LAMC3: variants seen among roughly 807,000 people sequenced by gnomAD.
LAMC3 encodes the protein laminin subunit gamma 3, also known as laminin subunit gamma-3.
A neutral mutation model predicts 173.8 loss-of-function variants in LAMC3; 128 were observed. The observed-to-expected ratio is 0.74, with a 90% CI of 0.64 to 0.85. The LOEUF (loss-of-function observed/expected upper bound fraction) is 0.85, where lower values mean the gene tolerates loss of function less well. LAMC3 is among the 40% of genes least tolerant of loss of function. The pLI is 0.00. For missense variants in LAMC3, 2,022 were observed against 2,156.0 expected (o/e 0.94, Z 1.23); for synonymous variants, 897 against 909.1 (o/e 0.99, Z 0.24).
In LAMC3 at chr9:131,092,426, T is replaced by C. The variant is rs372167427; in HGVS notation, c.*639T>C. The C allele has an allele frequency of 1.9e-3, 298 of 153,784 alleles. 1 individual carries two copies. Among genetic ancestry groups the C allele is most frequent in the Non-Finnish European group, 3.4e-3 (232 of 69,044 alleles). 9.5% of individuals were successfully genotyped at this position (153,784 alleles called of 1,614,324 possible). On this transcript the variant is annotated 3_prime_UTR_variant, in exon 28 of 28. Coordinates refer to ENST00000361069, the MANE Select transcript of LAMC3 (RefSeq NM_006059.4). ...GACCAACAGGCCAAGAAATGCAAGATCCCGGGAGGGTTCTTAGCAGCAGAA... is the reference window on the plus strand; with the variant it reads ...GACCAACAGGCCAAGAAATGCAAGACCCCGGGAGGGTTCTTAGCAGCAGAA...
At chr9:131,069,460 C>T (rs1358879871) in intron 16 of LAMC3, among the ~76,000 whole-genome samples, 5 of 152,156 alleles carry the variant, frequency 3.3e-5, no homozygotes, top group East Asian at 1.9e-4. Flanking sequence ...CCTCAGATCC[C>T]GAGGGAACAT....
In LAMC3 at chr9:131,068,214, T is replaced by C; in HGVS notation, c.2730T>C (p.Pro910=). ...ACCCTGGCTTCTTCGACCTCCAGCCTGGGAGGGGCTGCCGGAGGTAGGTAG... is the reference window on the plus strand; with the variant it reads ...ACCCTGGCTTCTTCGACCTCCAGCCCGGGAGGGGCTGCCGGAGGTAGGTAG... The part of the protein sequence containing the change: ...RCYPGFFDLQ[P]GRGCRSCKCH... The change falls in exon 15 of 28, where the codon CCT becomes CCC. Residue 910 remains proline, a synonymous_variant. Transcript: ENST00000361069. 2 of 1,610,684 alleles carry C rather than the reference T, an allele frequency of 1.2e-6. No individual in the cohort carries two copies. The highest frequency in any genetic ancestry group is 1.7e-6 in the Non-Finnish European group (2 of 1,178,320).
chr9:131,078,539 C>A (rs1830175033), intron 22 of LAMC3, among the ~76,000 whole-genome samples: 1 of 152,166 alleles, frequency 6.6e-6, no homozygotes, highest in Non-Finnish European at 1.5e-5. Context: ...GCATTTGGGA[C>A]AAGTGCTAAC....
intron 6 of LAMC3, 54 bp from the exon 7 acceptor site, chr9:131,041,583 G>A: frequency 6.6e-7 from 1 of 1,504,884 alleles, no homozygotes; most frequent in Non-Finnish European, 9.2e-7. Flanking sequence ...ATGGGCTGTT[G>A]CCATTCTGAA....
At chr9:131,056,113 T>C (rs188156588) in intron 11 of LAMC3, among the ~76,000 whole-genome samples, 60 of 152,260 alleles carry the variant, frequency 3.9e-4, no homozygotes, top group Non-Finnish European at 2.8e-4. Context: ...GGAGGATCAT[T>C]TGAGGCCAGG....
chr9:131,057,289 C>T lies in LAMC3; in HGVS notation c.2158+142C>T, dbSNP rs3739511. 0.18 allele frequency: 134,380 copies of T among 734,208 alleles called. 13,787 individuals are homozygous for T. Among genetic ancestry groups the T allele is most frequent in the Admixed American group, 0.24 (11,954 of 50,126 alleles). The allele number at this position is 734,208 out of a possible 1,614,324, so 45.5% of individuals were successfully genotyped here. A position where few individuals can be genotyped will look rare whatever the true frequency, so the allele number is the denominator to read the frequency against. On this transcript the variant is annotated intron_variant, in intron 12 of 27. Coordinates refer to ENST00000361069, the MANE Select transcript of LAMC3 (RefSeq NM_006059.4). ...GGGCAGTGCGGGCACTGAGCTTTCCCGTGCTGCTCAGTGCCTGGGCACCTC... is the reference window on the plus strand; with the variant it reads ...GGGCAGTGCGGGCACTGAGCTTTCCTGTGCTGCTCAGTGCCTGGGCACCTC...
chr9:131,073,153 C>A, intron 19 of LAMC3, 92 bp from the exon 20 acceptor site: 1 of 967,286 alleles, frequency 1.0e-6, no homozygotes, highest in Non-Finnish European at 1.7e-6. Context: ...ACGACGGGTG[C>A]CATCCAGTTC....
Position 131,065,190 on chromosome 9 carries a change from G to A in LAMC3, c.2348-1770G>A, listed in dbSNP as rs143670224. Among the ~76,000 whole-genome samples, 477 of 152,268 alleles carry A rather than the reference G, an allele frequency of 3.1e-3. 2 individuals are homozygous for A. Among genetic ancestry groups the A allele is most frequent in the African/African-American group, 0.011 (455 of 41,540 alleles). ...AGAGATGGGCATGTTTACAAAGAGT[G>A]GCTGACACCATGTGAAGCACTTGGA... is the stretch of plus-strand genomic sequence containing the variant. On this transcript the variant is annotated intron_variant, in intron 13 of 27. Transcript: ENST00000361069.
In LAMC3 at chr9:131,032,110, C is replaced by A. The variant is rs768780866; in HGVS notation, c.744C>A (p.Ile248=). The change falls in exon 3 of 28, where the codon ATC becomes ATA. Residue 248 remains isoleucine (I), a synonymous_variant. Transcript: ENST00000361069. ...GGCTCAACACGTTTGGGGACGACAT[C>A]TTCAAGGACCCCAAGGTGCTCCAGT... The part of the protein sequence containing the change: ...LDRLNTFGDD[I]FKDPKVLQSY... 1.2e-6 allele frequency: 2 copies of A among 1,614,044 alleles called. No homozygotes were observed. Among genetic ancestry groups the A allele is most frequent in the Non-Finnish European group, 1.7e-6 (2 of 1,180,032 alleles).
chr9:131,042,374 T>G lies in LAMC3; in HGVS notation c.1382+639T>G, dbSNP rs902264559. 1.1e-4 allele frequency among the ~76,000 whole-genome samples: 16 copies of G among 151,742 alleles called. 1 individual carries two copies. Among genetic ancestry groups the G allele is most frequent in the South Asian group, 6.3e-4 (3 of 4,796 alleles). ...CTTTCACACCCACAGCAGACATCAC[T>G]AATGGTATACCCATGGTACACATCA... On this transcript the variant is annotated intron_variant, in intron 7 of 27. Coordinates refer to ENST00000361069, the MANE Select transcript of LAMC3 (RefSeq NM_006059.4).
rs767556590 is a variant in LAMC3, at chr9:131,056,951, C to G, written c.1962C>G (p.Val654=). 6.2e-7 allele frequency: 1 copy of G among 1,613,224 alleles called. No individual in the cohort carries two copies. The highest frequency in any genetic ancestry group is 1.7e-5 in the Admixed American group (1 of 60,022). ...CAGGTCCAGTGTTCCTGACTGAGGT[C>G]CGGCTCACATCCGCCCGGCCAGGGC... The part of the protein sequence containing the change: ...SPAGPVFLTE[V]RLTSARPGLS... Residue 654 remains valine, a synonymous_variant, in exon 12 of 28, where the codon GTC becomes GTG. Coordinates refer to ENST00000361069, the MANE Select transcript of LAMC3 (RefSeq NM_006059.4).
At chr9:131,020,371 C>T (rs778105656) in intron 1 of LAMC3, among the ~76,000 whole-genome samples, 1 of 152,228 alleles carries the variant, frequency 6.6e-6, no homozygotes, top group Non-Finnish European at 1.5e-5. Flanking sequence ...GCCATAATGC[C>T]AGATACCACA....
chr9:131,035,148 C>T (rs955201813), intron 3 of LAMC3, among the ~76,000 whole-genome samples: 15 of 152,126 alleles, frequency 9.9e-5, no homozygotes, highest in Non-Finnish European at 1.0e-4. Context: ...CTGGGTTTCT[C>T]CATGTTGGTC....
rs146887458 is a variant in LAMC3, at chr9:131,038,905, C to G, written c.1018C>G (p.Arg340Gly). 1.1e-5 allele frequency: 18 copies of G among 1,613,256 alleles called. No homozygotes were observed. In the African/African-American group the frequency reaches 1.3e-4, roughly 12 times the overall value. The change falls in exon 5 of 28, where the codon CGG becomes GGG. Residue 340 changes from arginine to glycine, a missense_variant. Transcript: ENST00000361069. ...CCGCTCCGAGGAATGCACGTTTGAT[C>G]GGGAGCTCTTCCGCAGCACAGGCCA... ...SGRSEECTFD[R>G]ELFRSTGHGG...
intron 11 of LAMC3, among the ~76,000 whole-genome samples, chr9:131,055,510 C>A (rs945482300): frequency 6.8e-6 from 1 of 146,206 alleles, no homozygotes; most frequent in Admixed American, 7.0e-5. Context: ...CTGCAAGCTC[C>A]GCCTCCCGGG....
chr9:131,023,624 T>C (rs1171165768), intron 1 of LAMC3, among the ~76,000 whole-genome samples: 1 of 152,230 alleles, frequency 6.6e-6, no homozygotes, highest in Non-Finnish European at 1.5e-5. Flanking sequence ...TTTTTCTTTT[T>C]TGAGATAGAG....
intron 7 of LAMC3, 57 bp from the exon 8 acceptor site, chr9:131,045,467 C>T (rs1337756343): frequency 4.4e-6 from 7 of 1,606,098 alleles, no homozygotes; most frequent in East Asian, 4.5e-5. Flanking sequence ...ACCCTGGCCC[C>T]GCCCCTTCCT....
chr9:131,061,055 C>T lies in LAMC3; in HGVS notation c.2179C>T (p.His727Tyr), dbSNP rs1256488192. 1 of 1,614,020 alleles carries T rather than the reference C, an allele frequency of 6.2e-7. No homozygotes were observed. Among genetic ancestry groups the T allele is most frequent in the Non-Finnish European group, 8.5e-7 (1 of 1,180,028 alleles). ...PNTGICVCSH[H>Y]TEGPSCERCL... is the part of the protein sequence containing the mutation. Reference sequence around the variant, plus strand: ...CTCAGGGATCTGTGTCTGCAGCCACCATACCGAGGGCCCATCCTGTGAACG... The same window carrying T: ...CTCAGGGATCTGTGTCTGCAGCCACTATACCGAGGGCCCATCCTGTGAACG... The change falls in exon 13 of 28, where the codon CAT becomes TAT. Residue 727 changes from histidine (H) to tyrosine (Y), a missense_variant. Physicochemically the swap from His to Tyr is moderately conservative, Grantham distance 83 (BLOSUM62 2). Coordinates refer to ENST00000361069, the MANE Select transcript of LAMC3 (RefSeq NM_006059.4).
intron 13 of LAMC3, among the ~76,000 whole-genome samples, chr9:131,065,829 A>G (rs1829922920): frequency 8.2e-6 from 1 of 122,600 alleles, no homozygotes; most frequent in Non-Finnish European, 1.8e-5. Context: ...GATGATGAGA[A>G]TAATGGTCAA....
Sources: allele counts gnomAD v4.1 joint callset (sites outside exome capture counted in the v4.1 genomes callset), GRCh38; gene constraint gnomAD v4.1.1; transcripts MANE v1.5; gene names NCBI Gene and HGNC (gene_info 2026-07-23, HGNC 2026-07-21).